PCDHA1: variants seen among roughly 807,000 people sequenced by gnomAD.
PCDHA1 encodes protocadherin alpha 1, also known as protocadherin alpha-1.
A neutral mutation model predicts 61.3 loss-of-function variants in PCDHA1; 42 were observed. The observed-to-expected ratio is 0.69, with a 90% CI of 0.54 to 0.89. The LOEUF (loss-of-function observed/expected upper bound fraction) is 0.89. Ranked by LOEUF, PCDHA1 falls within the 40% of genes least tolerant of loss-of-function variation. The pLI, the probability that PCDHA1 is intolerant of heterozygous loss-of-function variation, is 0.00. For synonymous variants in PCDHA1, 610 were observed against 553.8 expected, an observed-to-expected ratio of 1.10 and a Z score of -1.43; for missense variants, 1,256 against 1,235.3, an observed-to-expected ratio of 1.02 and a Z score of -0.25.
chr5:140,868,942 C>G (rs1238492263), intron 1 of PCDHA1: 1 of 1,256,058 alleles, frequency 8.0e-7, no homozygotes, highest in Admixed American at 2.8e-5. Context: ...TTGGTCTGAA[C>G]AGTGAGGCAC....
At position 141,011,314 on chromosome 5, in the gene PCDHA1, T is replaced by G. The variant is rs1269900647; in HGVS notation, c.*1377T>G. 2.0e-5 allele frequency: 3 copies of G among 153,782 alleles called. No homozygotes were observed. Among genetic ancestry groups the G allele is most frequent in the Non-Finnish European group, 4.4e-5 (3 of 68,040 alleles). 9.5% of individuals were successfully genotyped at this position (153,782 alleles called of 1,614,324 possible). On this transcript the variant is annotated 3_prime_UTR_variant, in exon 4 of 4. Coordinates refer to ENST00000504120, the MANE Select transcript of PCDHA1 (RefSeq NM_018900.4). ...CTATAACACTCTGAATTGCTAATCT[T>G]ACTAACACCTATGATGTTACCTGAA...
chr5:141,010,233 G>C lies in PCDHA1; in HGVS notation c.*296G>C, dbSNP rs1156230400. ...AAGGAGAGGCTTCCCAGCCCCGCCA[G>C]TGAGAGGTTGGACTCTCTGCCCTGT... On this transcript the variant is annotated 3_prime_UTR_variant, in exon 4 of 4. Transcript: ENST00000504120. 1.9e-6 allele frequency: 3 copies of C among 1,551,812 alleles called. No homozygotes were observed. The highest frequency in any genetic ancestry group is 2.6e-6 in the Non-Finnish European group (3 of 1,147,042).
chr5:140,842,525 A>G, intron 1 of PCDHA1: 1 of 1,613,292 alleles, frequency 6.2e-7, no homozygotes, highest in Non-Finnish European at 8.5e-7. Flanking sequence ...GTCCACCTTC[A>G]AGAATTACTA....
intron 1 of PCDHA1, chr5:140,808,162 G>A (rs782594853): frequency 8.7e-6 from 14 of 1,614,082 alleles, no homozygotes; most frequent in African/African-American, 2.7e-5. Flanking sequence ...GCATTGATAA[G>A]GGACAGCTCC....
chr5:140,878,658 G>T (rs139171755), intron 1 of PCDHA1, among the ~76,000 whole-genome samples: 120 of 152,200 alleles, frequency 7.9e-4, no homozygotes, highest in African/African-American at 2.7e-3. Flanking sequence ...ATATCCAGAG[G>T]CTTCTCTTTA....
intron 1 of PCDHA1, chr5:140,929,129 C>T (rs1206531954): frequency 6.2e-7 from 1 of 1,614,052 alleles, no homozygotes; most frequent in South Asian, 1.1e-5. Context: ...GATGTCACTA[C>T]AGTTGAGAGA....
chr5:140,990,535 A>T (rs1450949471), intron 3 of PCDHA1, among the ~76,000 whole-genome samples: 1 of 152,182 alleles, frequency 6.6e-6, no homozygotes, highest in African/African-American at 2.4e-5. Context: ...ACTGTGCATC[A>T]TAGATACTGT....
chr5:140,929,580 T>A (rs1035039235), intron 1 of PCDHA1: 13 of 442,122 alleles, frequency 2.9e-5, no homozygotes, highest in African/African-American at 1.0e-4. Context: ...AAAAGTAATA[T>A]GACATAAAGG....
intron 1 of PCDHA1, chr5:140,869,566 G>A (rs782325882): frequency 1.9e-6 from 3 of 1,614,178 alleles, no homozygotes; most frequent in East Asian, 4.5e-5. Flanking sequence ...TTTTCCACTA[G>A]AGGGAGCTTC....
rs2150126152 is a variant in PCDHA1, at chr5:140,823,473, G to A, written c.2394+34789G>A. ...ACGACAACGCGCCGGCGCTGCTGGT[G>A]CCTCGAGTGGGTGGCACCGGCGGCG... On this transcript the variant is annotated intron_variant, in intron 1 of 3. Coordinates refer to ENST00000504120, the MANE Select transcript of PCDHA1 (RefSeq NM_018900.4). 4 of 1,613,492 alleles carry A rather than the reference G, an allele frequency of 2.5e-6. No homozygotes were observed. In the South Asian group the frequency reaches 3.3e-5, roughly 13 times the overall value.
intron 1 of PCDHA1, among the ~76,000 whole-genome samples, chr5:140,941,348 G>T (rs1193360429): frequency 1.7e-5 from 2 of 116,240 alleles, no homozygotes; most frequent in East Asian, 2.7e-4. Context: ...ATGGAGTCTT[G>T]CTCTGTTGCC....
chr5:140,788,089 A>G lies in PCDHA1; in HGVS notation c.1799A>G (p.Asp600Gly). Residue 600 changes from aspartate (D) to glycine (G), a missense_variant, in exon 1 of 4, where the codon GAC (aspartate) becomes GGC (glycine). Physicochemically the swap from Asp to Gly is moderately conservative, Grantham distance 94. Coordinates refer to ENST00000504120, the MANE Select transcript of PCDHA1 (RefSeq NM_018900.4). ...GCGAAGGTGCGCGCAGTGGACGCCG[A>G]CTCGGGCTACAACGCGTGGCTGTCC... ...VVAKVRAVDA[D>G]SGYNAWLSYE... is the part of the protein sequence containing the mutation. The G allele has an allele frequency of 6.2e-7, 1 of 1,613,778 alleles. No individual in the cohort carries two copies. Among genetic ancestry groups the G allele is most frequent in the Admixed American group, 1.7e-5 (1 of 60,002 alleles).
chr5:140,938,293 C>T (rs896897734), intron 1 of PCDHA1, among the ~76,000 whole-genome samples: 2 of 152,110 alleles, frequency 1.3e-5, no homozygotes, highest in African/African-American at 4.8e-5. Flanking sequence ...CTGTCATTGC[C>T]TATGAAATTC....
intron 1 of PCDHA1, chr5:140,883,224 C>T (rs782659730): frequency 1.2e-6 from 2 of 1,613,946 alleles, no homozygotes; most frequent in Non-Finnish European, 1.7e-6. Flanking sequence ...TATGAAATAT[C>T]CGTGGAGGCA....
At chr5:140,802,724 G>C (rs1305715476) in intron 1 of PCDHA1, 6 of 1,612,466 alleles carry the variant, frequency 3.7e-6, no homozygotes, top group African/African-American at 1.3e-5. Flanking sequence ...GCTACGTGTC[G>C]GTACACGCGG....
At chr5:141,008,434 A>G (rs1466409442) in intron 3 of PCDHA1, among the ~76,000 whole-genome samples, 2 of 152,196 alleles carry the variant, frequency 1.3e-5, no homozygotes, top group Admixed American at 6.5e-5. Context: ...CACTTTGCCC[A>G]GACAGACCAT....
intron 1 of PCDHA1, chr5:140,836,072 G>A (rs2150252005): frequency 6.2e-7 from 1 of 1,613,664 alleles, no homozygotes; most frequent in Non-Finnish European, 8.5e-7. Context: ...ACAACGCGCC[G>A]GCACTGCTGG....
intron 1 of PCDHA1, chr5:140,884,631 A>G: frequency 2.5e-6 from 4 of 1,612,580 alleles, no homozygotes; most frequent in Non-Finnish European, 3.4e-6. Flanking sequence ...GGAACAGGCC[A>G]GAGGGAGGAG....
chr5:140,851,916 G>A, intron 1 of PCDHA1: 1 of 968,262 alleles, frequency 1.0e-6, no homozygotes, highest in Non-Finnish European at 1.2e-6. Flanking sequence ...GTCACTACAT[G>A]TTATGTTTCC....
Sources: gnomAD v4.1 joint callset for allele counts (sites outside exome capture counted in the v4.1 genomes callset) on GRCh38, gnomAD v4.1.1 for gene constraint, MANE v1.5 for transcripts, NCBI Gene and HGNC (gene_info 2026-07-23, HGNC 2026-07-21) for gene names.